Variants in SIN3A observed in about 807,000 individuals in gnomAD.
SIN3A encodes the protein SIN3 transcription regulator family member A.
Under a neutral mutation model 146.1 loss-of-function variants are expected in SIN3A, and 14 were observed. The ratio of observed to expected loss-of-function variants is 0.10; its 90% CI spans 0.06 to 0.15. The LOEUF (loss-of-function observed/expected upper bound fraction) is 0.15. SIN3A is among the 10% of genes least tolerant of loss of function. The pLI, the probability that SIN3A is intolerant of heterozygous loss-of-function variation, is 1.00. For synonymous variants in SIN3A, 572 were observed against 572.0 expected (o/e 1.00, Z 0.00); for missense variants, 1,028 against 1,576.0 (o/e 0.65, Z 5.89).
intron 2 of SIN3A, among the ~76,000 whole-genome samples, chr15:75,427,972 AAAATAAAT>A (rs544412385): frequency 5.9e-5 from 9 of 151,932 alleles, no homozygotes; most frequent in Middle Eastern, 3.4e-3. Context: ...ACTCCATCTC[AAAATAAAT>A]AAATAAATAA....
At position 75,444,135 on chromosome 15, in the gene SIN3A, G is replaced by C. The variant is rs114473483; in HGVS notation, c.-34+7288C>G. Reference sequence around the variant, plus strand: ...ACAACATTGTTTCGATGTACAAGTGGTAATAGCTAAAATGAGTTTATTCCT... The same window carrying C: ...ACAACATTGTTTCGATGTACAAGTGCTAATAGCTAAAATGAGTTTATTCCT... On this transcript the variant is annotated intron_variant, in intron 1 of 20. Transcript: ENST00000394947. 2.2e-3 allele frequency among the ~76,000 whole-genome samples: 328 copies of C among 152,258 alleles called. 2 individuals are homozygous for C. The highest frequency in any genetic ancestry group is 7.1e-3 in the African/African-American group (295 of 41,556).
intron 9 of SIN3A, among the ~76,000 whole-genome samples, chr15:75,405,631 GTCCCAGCTGT>G (rs555544659): frequency 4.8e-4 from 73 of 151,962 alleles, no homozygotes; most frequent in Admixed American, 1.4e-3. Context: ...GGCGCCTGTA[GTCCCAGCTGT>G]TTGGGAGGCT....
At chr15:75,402,064 TTG>T in intron 9 of SIN3A, 94 bp from the exon 10 acceptor site, 1 of 767,570 alleles carries the variant, frequency 1.3e-6, no homozygotes, top group Non-Finnish European at 2.2e-6. Context: ...GGAGGCGCAG[TTG>T]TGTAATCTCA....
At chr15:75,430,027 T>C (rs1305466994) in intron 2 of SIN3A, 160 bp downstream of exon 2, 1 of 619,148 alleles carries the variant, frequency 1.6e-6, no homozygotes, top group Non-Finnish European at 2.8e-6. Context: ...ACATTCTTTT[T>C]TTAAAAACTT....
chr15:75,434,269 C>T (rs2074062995), intron 1 of SIN3A, among the ~76,000 whole-genome samples: 1 of 152,176 alleles, frequency 6.6e-6, no homozygotes, highest in Non-Finnish European at 1.5e-5. Context: ...TCATTAAAAG[C>T]AAATGTTCAG....
At chr15:75,383,241 C>T (rs2073008683) in intron 17 of SIN3A, among the ~76,000 whole-genome samples, 1 of 150,518 alleles carries the variant, frequency 6.6e-6, no homozygotes, top group East Asian at 2.0e-4. Flanking sequence ...CACTGCACTC[C>T]AGCCTGGGCA....
At position 75,376,859 on chromosome 15, in the gene SIN3A, T is replaced by TAAAAAAAAAAA. The variant is rs200318256; in HGVS notation, c.3384-998_3384-988dup. 3.3e-3 allele frequency among the ~76,000 whole-genome samples: 381 copies of TAAAAAAAAAAA among 115,720 alleles called. 4 individuals are homozygous for TAAAAAAAAAAA. The highest frequency in any genetic ancestry group is 0.012 in the African/African-American group (364 of 31,396). 75.9% of individuals were successfully genotyped at this position (115,720 alleles called of 152,430 possible). A position where few individuals can be genotyped will look rare whatever the true frequency, so the allele number is the denominator to read the frequency against. ...TGGGACACAGAGCCAGACACTGTCT[T>TAAAAAAAAAAA]AAAAAAAAAAAAAAAAAAAAAAAAC... On this transcript the variant is annotated intron_variant, in intron 19 of 20. Transcript: ENST00000394947.
At position 75,422,982 on chromosome 15, in the gene SIN3A, C is replaced by T. The variant is rs554191274; in HGVS notation, c.190-159G>A. ...ACCTATCTCACCTACATAGGAAGAT[C>T]GCCTGAACTCAGGAGTTCAAGGCTG... On this transcript the variant is annotated intron_variant, in intron 2 of 20. Transcript: ENST00000394947. Among the ~76,000 whole-genome samples, 7 of 152,298 alleles carry T rather than the reference C, an allele frequency of 4.6e-5. No individual in the cohort carries two copies. The East Asian group carries it at 5.8e-4, about 13-fold the overall frequency.
chr15:75,392,174 C>G (rs537870711), intron 15 of SIN3A, 68 bp downstream of exon 15: 3 of 1,391,234 alleles, frequency 2.2e-6, no homozygotes, highest in Non-Finnish European at 3.0e-6. Context: ...GAAGCAGTCC[C>G]AAGTCTAGGT....
At chr15:75,377,348 G>A (rs2072880655) in intron 19 of SIN3A, among the ~76,000 whole-genome samples, 1 of 152,174 alleles carries the variant, frequency 6.6e-6, no homozygotes. Context: ...TGATGGGCCA[G>A]TCACAGTGGC....
intron 12 of SIN3A, among the ~76,000 whole-genome samples, chr15:75,399,372 C>T (rs1426456386): frequency 1.3e-5 from 2 of 151,854 alleles, no homozygotes; most frequent in Non-Finnish European, 2.9e-5. Flanking sequence ...AATAAAAATA[C>T]AAAAAATTAG....
chr15:75,440,578 G>A (rs1253858239), intron 1 of SIN3A, among the ~76,000 whole-genome samples: 4 of 152,028 alleles, frequency 2.6e-5, no homozygotes, highest in Admixed American at 2.6e-4. Context: ...CTGGACACTG[G>A]GAGATATAAA....
chr15:75,450,192 AC>A (rs1315033692), intron 1 of SIN3A, among the ~76,000 whole-genome samples: 27 of 151,460 alleles, frequency 1.8e-4, no homozygotes, highest in African/African-American at 5.1e-4. Context: ...AAAAAAAAAA[AC>A]AAACCCTACT....
At chr15:75,417,641 T>A (rs943256302) in intron 3 of SIN3A, among the ~76,000 whole-genome samples, 4 of 152,082 alleles carry the variant, frequency 2.6e-5, no homozygotes, top group East Asian at 1.9e-4. Flanking sequence ...AGCCTCCCAA[T>A]GTGCTGGGAT....
chr15:75,391,039 T>G (rs2073190801), intron 15 of SIN3A, among the ~76,000 whole-genome samples: 2 of 152,180 alleles, frequency 1.3e-5, no homozygotes, highest in Admixed American at 6.5e-5. Context: ...GACGAATTCA[T>G]TAAAAAACAG....
At chr15:75,431,418 A>G (rs2141576030) in intron 1 of SIN3A, among the ~76,000 whole-genome samples, 1 of 152,270 alleles carries the variant, frequency 6.6e-6, no homozygotes, top group Admixed American at 6.6e-5. Flanking sequence ...TACTTGGCCC[A>G]GTAATCTACT....
intron 19 of SIN3A, among the ~76,000 whole-genome samples, chr15:75,377,172 T>C (rs1446380506): frequency 1.3e-5 from 2 of 152,200 alleles, no homozygotes; most frequent in Admixed American, 6.5e-5. Context: ...TCACTGAGCT[T>C]TTCATACAGT....
intron 16 of SIN3A, among the ~76,000 whole-genome samples, chr15:75,387,395 C>A (rs1211405433): frequency 6.6e-6 from 1 of 151,388 alleles, no homozygotes; most frequent in African/African-American, 2.4e-5. Context: ...TGTGGTGGCC[C>A]CTTTGGTCCC....
intron 2 of SIN3A, 179 bp downstream of exon 2, chr15:75,430,008 G>C (rs945299537): frequency 3.4e-6 from 2 of 594,182 alleles, no homozygotes; most frequent in African/African-American, 3.8e-5. Context: ...AACTTCAAAG[G>C]TCATGACAAC....
Sources: allele counts gnomAD v4.1 joint callset (sites outside exome capture counted in the v4.1 genomes callset), GRCh38; gene constraint gnomAD v4.1.1; transcripts MANE v1.5; gene names NCBI Gene and HGNC (gene_info 2026-07-23, HGNC 2026-07-21).